Variants in MPPED2 observed in about 807,000 individuals in gnomAD.
The protein encoded by MPPED2 is metallophosphoesterase MPPED2.
Under a neutral mutation model 33.0 loss-of-function variants are expected in MPPED2, and 5 were observed. The ratio of observed to expected loss-of-function variants is 0.15; its 90% confidence interval spans 0.08 to 0.32. MPPED2 has a LOEUF of 0.32. Among genes scored for constraint, MPPED2 ranks in the 10% least tolerant of loss-of-function variants. MPPED2 has a pLI of 1.00. For missense variants in MPPED2, 275 were observed against 372.1 expected (o/e 0.74, Z 2.15); for synonymous variants, 136 against 141.9 (o/e 0.96, Z 0.29).
chr11:30,533,903 T>G (rs1247524822), intron 3 of MPPED2, among the ~76,000 whole-genome samples: 1 of 152,222 alleles, frequency 6.6e-6, no homozygotes, highest in Non-Finnish European at 1.5e-5. Context: ...AATCTCCCAG[T>G]GTTTACTTCT....
intron 4 of MPPED2, among the ~76,000 whole-genome samples, chr11:30,492,331 G>A (rs914185608): frequency 6.6e-6 from 1 of 152,158 alleles, no homozygotes; most frequent in South Asian, 2.1e-4. Flanking sequence ...CTCAGATAAT[G>A]GAGGAAGTTT....
At chr11:30,453,639 T>C (rs555231657) in intron 4 of MPPED2, among the ~76,000 whole-genome samples, 60 of 152,346 alleles carry the variant, frequency 3.9e-4, no homozygotes, top group Admixed American at 2.0e-3. Context: ...ATGGGGAAAA[T>C]TGAATGCACA....
chr11:30,545,696 A>T (rs1955380235), intron 2 of MPPED2, among the ~76,000 whole-genome samples: 1 of 152,096 alleles, frequency 6.6e-6, no homozygotes, highest in Non-Finnish European at 1.5e-5. Flanking sequence ...CAGATTAAGC[A>T]ATAGGGCAAA....
At chr11:30,403,970 A>G (rs1379805509) in intron 6 of MPPED2, among the ~76,000 whole-genome samples, 1 of 152,186 alleles carries the variant, frequency 6.6e-6, no homozygotes, top group African/African-American at 2.4e-5. Context: ...AGAGCTCATG[A>G]GGGAATCTCA....
At position 30,511,528 on chromosome 11, in the gene MPPED2, C is replaced by T. The variant is rs561627842; in HGVS notation, c.311-16007G>A. ...TTCTGTCTGTCTAGCCCTTTTTCAA[C>T]GAACAGTAAAGATAGCTAAGAAATA... On this transcript the variant is annotated intron_variant, in intron 3 of 6. Coordinates refer to ENST00000358117, the MANE Select transcript of MPPED2 (RefSeq NM_001584.3). 1.2e-4 allele frequency among the ~76,000 whole-genome samples: 19 copies of T among 152,156 alleles called. No individual in the cohort carries two copies. The South Asian group carries it at 2.7e-3, about 22-fold the overall frequency.
intron 4 of MPPED2, among the ~76,000 whole-genome samples, chr11:30,465,828 A>T (rs1243738400): frequency 6.6e-6 from 1 of 152,200 alleles, no homozygotes; most frequent in East Asian, 1.9e-4. Flanking sequence ...AAACTCATGT[A>T]TATGGAGGGC....
At chr11:30,387,931 T>C (rs1201100704) in exon 7 of MPPED2, 2 of 152,234 alleles carry the variant, frequency 1.3e-5, no homozygotes, top group African/African-American at 4.8e-5. Flanking sequence ...CTGACGATGA[T>C]GCTGGCTTTG....
chr11:30,519,644 T>A (rs1953742098), intron 3 of MPPED2, among the ~76,000 whole-genome samples: 1 of 152,142 alleles, frequency 6.6e-6, no homozygotes, highest in African/African-American at 2.4e-5. Flanking sequence ...TTTCTATGAA[T>A]AATGGATTCA....
At chr11:30,515,440 C>G (rs942396543) in intron 3 of MPPED2, among the ~76,000 whole-genome samples, 1 of 152,116 alleles carries the variant, frequency 6.6e-6, no homozygotes, top group Non-Finnish European at 1.5e-5. Flanking sequence ...TGTTTAACCA[C>G]CTGCCTGAGA....
At chr11:30,483,537 C>T (rs1312164058) in intron 4 of MPPED2, among the ~76,000 whole-genome samples, 1 of 152,142 alleles carries the variant, frequency 6.6e-6, no homozygotes. Flanking sequence ...CCTATTCCAA[C>T]TAGTTAGTTT....
At chr11:30,525,862 C>T (rs1463323036) in intron 3 of MPPED2, among the ~76,000 whole-genome samples, 2 of 152,104 alleles carry the variant, frequency 1.3e-5, no homozygotes, top group Admixed American at 6.6e-5. Context: ...AATGGCTGCC[C>T]ATAACACAGA....
At chr11:30,434,204 T>G (rs1222839283) in intron 4 of MPPED2, among the ~76,000 whole-genome samples, 2 of 152,220 alleles carry the variant, frequency 1.3e-5, no homozygotes, top group Admixed American at 1.3e-4. Flanking sequence ...GGGATTAGGA[T>G]GTGGACATCT....
chr11:30,385,196 G>A (rs893281954), exon 7 of MPPED2: 5 of 152,322 alleles, frequency 3.3e-5, no homozygotes, highest in African/African-American at 9.6e-5. Context: ...ATAATCAGGT[G>A]TCATCTCTTG....
chr11:30,578,139 T>C (rs1005209617), intron 2 of MPPED2, among the ~76,000 whole-genome samples: 1 of 152,066 alleles, frequency 6.6e-6, no homozygotes, highest in Non-Finnish European at 1.5e-5. Context: ...AGAAAAGGCT[T>C]AAGTGGAGGA....
At chr11:30,499,759 A>G (rs1952469376) in intron 3 of MPPED2, among the ~76,000 whole-genome samples, 1 of 152,164 alleles carries the variant, frequency 6.6e-6, no homozygotes. Flanking sequence ...TAAACTTCTT[A>G]AAAGAGGATT....
At chr11:30,586,807 G>C (rs1957482992), upstream of MPPED2, 1 of 152,204 alleles carries the variant, frequency 6.6e-6, no homozygotes, top group African/African-American at 2.4e-5. This position sits in a 1 kb window ranked among gnomAD's most constrained non-coding sequence, Gnocchi z 4.8. Flanking sequence ...GGGGTAAGGG[G>C]AGCGGCTGGG....
intron 3 of MPPED2, among the ~76,000 whole-genome samples, chr11:30,513,564 A>T (rs1953349457): frequency 6.6e-6 from 1 of 152,236 alleles, no homozygotes; most frequent in Non-Finnish European, 1.5e-5. Flanking sequence ...GTAGATGGAT[A>T]AGACAGAAGG....
intron 4 of MPPED2, among the ~76,000 whole-genome samples, chr11:30,458,914 CTTTTTTTTTTTTTTTTT>C (rs71060450): frequency 7.9e-4 from 51 of 64,516 alleles, no homozygotes; most frequent in African/African-American, 2.7e-3. Context: ...TTGCACAGTT[CTTTTTTTTTTTTTTTTT>C]TTTTTTTTTT....
At chr11:30,388,248 T>C (rs993318180) in exon 7 of MPPED2, 1 of 152,304 alleles carries the variant, frequency 6.6e-6, no homozygotes, top group Non-Finnish European at 1.5e-5. Flanking sequence ...TCCATTGAAA[T>C]ATGGAATTGT....
Sources: allele counts gnomAD v4.1 joint callset (sites outside exome capture counted in the v4.1 genomes callset), GRCh38; gene constraint gnomAD v4.1.1; non-coding constraint Gnocchi (gnomAD v3.1); transcripts MANE v1.5; gene names NCBI Gene and HGNC (gene_info 2026-07-23, HGNC 2026-07-21).